The following PIK3C2G variants were observed in gnomAD, a reference collection of about 807,000 sequenced individuals.
The protein encoded by PIK3C2G is phosphatidylinositol-4-phosphate 3-kinase catalytic subunit type 2 gamma, also known as phosphatidylinositol 3-kinase C2 domain-containing subunit gamma.
In PIK3C2G, 168 loss-of-function variants were observed where a neutral mutation model predicts 181.1. That is an observed-to-expected ratio of 0.93 (90% CI 0.82 to 1.05). The LOEUF (loss-of-function observed/expected upper bound fraction) is 1.05, where lower values mean the gene tolerates loss of function less well. Ranked by LOEUF, PIK3C2G falls within the 50% of genes least tolerant of loss-of-function variation. PIK3C2G has a pLI of 0.00. For missense variants in PIK3C2G, 1,869 were observed against 1,732.8 expected (o/e 1.08, Z -1.40); for synonymous variants, 573 against 592.2 (o/e 0.97, Z 0.47).
downstream of PIK3C2G, among the ~76,000 whole-genome samples, chr12:18,650,329 C>CTATA (rs1167084886): frequency 6.7e-3 from 554 of 82,332 alleles, no homozygotes; most frequent in African/African-American, 9.1e-3. Context: ...CTCTCTCTCT[C>CTATA]TCTATATATA....
At chr12:18,537,755 T>G (rs971236586) in intron 24 of PIK3C2G, among the ~76,000 whole-genome samples, 4 of 152,046 alleles carry the variant, frequency 2.6e-5, no homozygotes, top group Admixed American at 2.6e-4. Context: ...GAAATTTTTT[T>G]TAATACTATA....
At chr12:18,623,665 C>A (rs1320996890) in intron 31 of PIK3C2G, among the ~76,000 whole-genome samples, 1 of 151,730 alleles carries the variant, frequency 6.6e-6, no homozygotes, top group Non-Finnish European at 1.5e-5. Flanking sequence ...TTATTCCAAT[C>A]CATGAATACA....
intron 12 of PIK3C2G, among the ~76,000 whole-genome samples, chr12:18,370,019 C>T (rs1022833295): frequency 6.8e-6 from 1 of 147,116 alleles, no homozygotes; most frequent in African/African-American, 2.5e-5. Context: ...ATATAACGAT[C>T]GTATAATTGA....
chr12:18,462,755 G>T (rs1393511888), intron 18 of PIK3C2G, among the ~76,000 whole-genome samples: 1 of 152,046 alleles, frequency 6.6e-6, no homozygotes, highest in Non-Finnish European at 1.5e-5. Context: ...GGCAAGTTGG[G>T]TTTCTGACTC....
At chr12:18,449,230 C>G (rs908570805) in intron 18 of PIK3C2G, among the ~76,000 whole-genome samples, 7 of 152,038 alleles carry the variant, frequency 4.6e-5, no homozygotes, top group Admixed American at 4.6e-4. Flanking sequence ...CAGTACCATA[C>G]TGCTTTGATC....
At chr12:18,379,998 A>G (rs1942729329) in intron 13 of PIK3C2G, among the ~76,000 whole-genome samples, 1 of 152,176 alleles carries the variant, frequency 6.6e-6, no homozygotes, top group Non-Finnish European at 1.5e-5. Flanking sequence ...TGTTAATCAC[A>G]TGACGCCAAG....
At chr12:18,515,523 T>C (rs1052261842) in intron 24 of PIK3C2G, among the ~76,000 whole-genome samples, 2 of 152,060 alleles carry the variant, frequency 1.3e-5, no homozygotes, top group African/African-American at 2.4e-5. Flanking sequence ...TTGCCCATAA[T>C]AGTCTCTTCT....
the PIK3C2G span, among the ~76,000 whole-genome samples, chr12:18,691,602 T>C: frequency 0.11 from 16,390 of 152,158 alleles, 1,221 homozygotes; most frequent in African/African-American, 0.21. Context: ...TCCCAGAGCA[T>C]AGAAGAGCAA....
At chr12:18,700,190 A>C in the PIK3C2G span, among the ~76,000 whole-genome samples, 53 of 152,140 alleles carry the variant, frequency 3.5e-4, no homozygotes, top group Middle Eastern at 3.4e-3. Context: ...TGAGGACCAC[A>C]ATTATTACTA....
intron 31 of PIK3C2G, among the ~76,000 whole-genome samples, chr12:18,638,423 G>A (rs892510853): frequency 2.6e-5 from 4 of 152,240 alleles, no homozygotes; most frequent in East Asian, 3.9e-4. Context: ...CTTGATCAGC[G>A]ACTTTCTACA....
At chr12:18,653,965 C>T in the PIK3C2G span, among the ~76,000 whole-genome samples, 27 of 152,102 alleles carry the variant, frequency 1.8e-4, no homozygotes, top group African/African-American at 6.3e-4. Context: ...CGATTTACCC[C>T]AAGAATCAAG....
intron 8 of PIK3C2G, among the ~76,000 whole-genome samples, chr12:18,332,550 G>T (rs1004868325): frequency 6.6e-6 from 1 of 151,918 alleles, no homozygotes; most frequent in African/African-American, 2.4e-5. Context: ...ACCTCTAATG[G>T]GTATCCAGGT....
intron 18 of PIK3C2G, among the ~76,000 whole-genome samples, chr12:18,481,628 T>C: frequency 6.6e-6 from 1 of 152,212 alleles, no homozygotes; most frequent in Non-Finnish European, 1.5e-5. Context: ...GTTAATAACC[T>C]ATTGCAAAAG....
At chr12:18,435,954 A>G (rs374808610) in intron 18 of PIK3C2G, among the ~76,000 whole-genome samples, 2 of 150,990 alleles carry the variant, frequency 1.3e-5, no homozygotes, top group African/African-American at 4.9e-5. Flanking sequence ...AGATACTTAG[A>G]GCTACAAGTA....
intron 16 of PIK3C2G, among the ~76,000 whole-genome samples, chr12:18,418,546 T>C (rs1391407401): frequency 3.3e-5 from 5 of 152,116 alleles, no homozygotes; most frequent in African/African-American, 1.2e-4. Flanking sequence ...ACAAATAAAA[T>C]AGTTTAAGGG....
chr12:18,591,791 A>G (rs975582334), intron 29 of PIK3C2G, among the ~76,000 whole-genome samples: 3 of 151,618 alleles, frequency 2.0e-5, no homozygotes, highest in African/African-American at 7.3e-5. Flanking sequence ...TAGAGACTGG[A>G]TTGGATTAAA....
At chr12:18,421,759 C>CT (rs79447636) in intron 17 of PIK3C2G, among the ~76,000 whole-genome samples, 14,950 of 144,766 alleles carry the variant, frequency 0.1, 1,041 homozygotes, top group Admixed American at 0.26. Context: ...TTTAATCCAG[C>CT]TTTTTTTTTT....
At chr12:18,316,065 GAATT>G (rs1490406246) in intron 6 of PIK3C2G, among the ~76,000 whole-genome samples, 4 of 151,956 alleles carry the variant, frequency 2.6e-5, no homozygotes, top group Admixed American at 6.6e-5. Context: ...TCCTTTAAAT[GAATT>G]AATTGACAGT....
chr12:18,487,834 T>C (rs1368868193), intron 18 of PIK3C2G, among the ~76,000 whole-genome samples: 1 of 152,086 alleles, frequency 6.6e-6, no homozygotes, highest in African/African-American at 2.4e-5. Context: ...TTTATAGAAT[T>C]ACCTTATTTT....
Sources: allele counts gnomAD v4.1 joint callset (sites outside exome capture counted in the v4.1 genomes callset), GRCh38; gene constraint gnomAD v4.1.1; transcripts MANE v1.5; gene names NCBI Gene and HGNC (gene_info 2026-07-23, HGNC 2026-07-21).